CREBBP: variants seen among roughly 807,000 people sequenced by gnomAD.
The protein encoded by CREBBP is CREB binding lysine acetyltransferase.
A neutral mutation model predicts 265.0 loss-of-function variants in CREBBP; 19 were observed. That is an observed-to-expected ratio of 0.07 (90% confidence interval 0.05 to 0.11). CREBBP has a LOEUF of 0.11. Ranked by LOEUF, CREBBP falls within the 10% of genes least tolerant of loss-of-function variation. The pLI is 1.00. For missense variants in CREBBP, 2,525 were observed against 3,219.0 expected (o/e 0.78, Z 5.22); for synonymous variants, 1,457 against 1,223.7 (o/e 1.19, Z -3.98).
Position 3,736,668 on chromosome 16 carries a change from C to A in CREBBP, c.4542G>T (p.Arg1514=), listed in dbSNP as rs940901910. ...KKMLDKAFAE[R]IIHDYKDIFK... is the part of the protein sequence containing the mutation. Reference sequence around the variant, plus strand: ...CGGGTACCTTGTAGTCATGGATGATCCGCTCTGCAAACGCCTTGTCCAGCA... The same window carrying A: ...CGGGTACCTTGTAGTCATGGATGATACGCTCTGCAAACGCCTTGTCCAGCA... Residue 1514 remains arginine, a synonymous_variant, in exon 27 of 31, where the codon CGG becomes CGT. Transcript: ENST00000262367. 6.2e-7 allele frequency: 1 copy of A among 1,614,226 alleles called. No homozygotes were observed. Among genetic ancestry groups the A allele is most frequent in the South Asian group, 1.1e-5 (1 of 91,086 alleles).
intron 3 of CREBBP, among the ~76,000 whole-genome samples, chr16:3,806,725 G>A (rs891891324): frequency 2.6e-5 from 4 of 152,038 alleles, no homozygotes; most frequent in African/African-American, 9.7e-5. Flanking sequence ...TCAACTTCCT[G>A]CATCACACCC....
At chr16:3,756,322 C>T (rs764985287) in intron 19 of CREBBP, among the ~76,000 whole-genome samples, 15 of 152,262 alleles carry the variant, frequency 9.9e-5, no homozygotes, top group Admixed American at 3.9e-4. Flanking sequence ...TGTGCCTCCA[C>T]GCATGGTGCG....
rs533313740 is a variant in CREBBP, at chr16:3,849,708, G to A, written c.798+589C>T. Among the ~76,000 whole-genome samples, 7 of 151,584 alleles carry A rather than the reference G, an allele frequency of 4.6e-5. No individual in the cohort carries two copies. The South Asian group carries it at 1.0e-3, about 23-fold the overall frequency. ...CTTCTTAAAGCCCAGGCCCCACGCC[G>A]AGCTTCTGAGTCAATAAAGAAGTCT... is the stretch of plus-strand genomic sequence containing the variant. On this transcript the variant is annotated intron_variant, in intron 2 of 30. Transcript: ENST00000262367.
intron 14 of CREBBP, 51 bp downstream of exon 14, chr16:3,770,519 A>T (rs192770395): frequency 1.9e-6 from 3 of 1,596,282 alleles, no homozygotes; most frequent in East Asian, 4.5e-5. Flanking sequence ...TTATGGGAAA[A>T]TTATCTTCTA....
rs555248617 is a variant in CREBBP, at chr16:3,771,320, C to T, written c.2464-334G>A. Among the ~76,000 whole-genome samples, 17 of 152,212 alleles carry T rather than the reference C, an allele frequency of 1.1e-4. No homozygotes were observed. In the South Asian group the frequency reaches 1.2e-3, roughly 11 times the overall value. ...CTGACCTCAAGTGATCCTCCCGCCT[C>T]GGCCTTCCAAAGTGCTGGGATTACA... On this transcript the variant is annotated intron_variant, in intron 13 of 30. Transcript: ENST00000262367.
intron 4 of CREBBP, among the ~76,000 whole-genome samples, chr16:3,792,781 T>C (rs942041372): frequency 2.6e-5 from 4 of 152,238 alleles, no homozygotes; most frequent in African/African-American, 7.2e-5. Context: ...TAAGAAACAC[T>C]TCCTTCGGTA....
At position 3,735,544 on chromosome 16, in the gene CREBBP, C is replaced by T. The variant is rs924837934; in HGVS notation, c.4728+492G>A. The stretch of plus-strand genomic sequence containing the variant: ...CTTTCCTGACCTTGTGATCCGCCTG[C>T]CTCGGCCTCCCAAAGTGCGGGGTTA... On this transcript the variant is annotated intron_variant, in intron 28 of 30. Transcript: ENST00000262367. Among the ~76,000 whole-genome samples, 7 of 152,110 alleles carry T rather than the reference C, an allele frequency of 4.6e-5. No individual in the cohort carries two copies. The South Asian group carries it at 1.5e-3, about 32-fold the overall frequency.
At chr16:3,771,434 A>G (rs1399092198) in intron 13 of CREBBP, among the ~76,000 whole-genome samples, 1 of 152,136 alleles carries the variant, frequency 6.6e-6, no homozygotes, top group Non-Finnish European at 1.5e-5. Context: ...ATCGAGCTAT[A>G]CACTTGTAAT....
Position 3,745,298 on chromosome 16 carries a change from T to A in CREBBP, c.3893A>T (p.Tyr1298Phe), listed in dbSNP as rs773159964. 7 of 1,614,024 alleles carry A rather than the reference T, an allele frequency of 4.3e-6. No individual in the cohort carries two copies. In the South Asian group the frequency reaches 7.7e-5, roughly 18 times the overall value. ...RKMHQICVLH[Y>F]DIIWPSGFVC... is the part of the protein sequence containing the mutation. ...TCACCCTGAAGGCCAAATGATGTCA[T>A]AGTGCAGAACGCAAATCTGATGCAT... The change falls in exon 22 of 31, where the codon TAT (tyrosine) becomes TTT (phenylalanine). Residue 1298 changes from tyrosine to phenylalanine, a missense_variant. Around this residue, in one of 19 missense-constraint regions of CREBBP, gnomAD observed 252 missense variants for 452.5 expected, o/e 0.56. Transcript: ENST00000262367.
intron 2 of CREBBP, among the ~76,000 whole-genome samples, chr16:3,825,691 G>C (rs912307518): frequency 6.6e-6 from 1 of 152,160 alleles, no homozygotes; most frequent in Non-Finnish European, 1.5e-5. Context: ...TAATTTGTGA[G>C]TAACTTTGCC....
chr16:3,741,724 G>A (rs2052213803), intron 23 of CREBBP: 2 of 152,214 alleles, frequency 1.3e-5, no homozygotes, highest in East Asian at 1.9e-4. Context: ...TGGATCACCT[G>A]AGGTCAGGAG....
chr16:3,783,406 G>GAT (rs2053318366), intron 5 of CREBBP, among the ~76,000 whole-genome samples: 1 of 152,238 alleles, frequency 6.6e-6, no homozygotes, highest in Admixed American at 6.5e-5. Flanking sequence ...GAGCAGAGAT[G>GAT]ATACCTGGTC....
chr16:3,858,372 T>G (rs1204717866), intron 1 of CREBBP, among the ~76,000 whole-genome samples: 1 of 152,238 alleles, frequency 6.6e-6, no homozygotes, highest in Non-Finnish European at 1.5e-5. Flanking sequence ...GAATTCCACT[T>G]GGAGCCCCAG....
intron 1 of CREBBP, among the ~76,000 whole-genome samples, chr16:3,874,928 A>G (rs759937552): frequency 1.3e-5 from 2 of 152,256 alleles, no homozygotes; most frequent in African/African-American, 2.4e-5. Context: ...GAAACTCACA[A>G]TAAGGTACAT....
At position 3,804,248 on chromosome 16, in the gene CREBBP, T is replaced by C. The variant is rs11866671; in HGVS notation, c.975+6355A>G. 2.4e-3 allele frequency among the ~76,000 whole-genome samples: 371 copies of C among 152,264 alleles called. 2 individuals are homozygous for C. Among genetic ancestry groups the C allele is most frequent in the African/African-American group, 8.2e-3 (339 of 41,554 alleles). On this transcript the variant is annotated intron_variant, in intron 3 of 30. Transcript: ENST00000262367. ...AGAGAATTACCAATTTACTAAAAAC[T>C]TAAAGTTTTTAGAATACTCTTCTTG...
At chr16:3,735,566 G>T (rs898277968) in intron 28 of CREBBP, among the ~76,000 whole-genome samples, 1 of 152,084 alleles carries the variant, frequency 6.6e-6, no homozygotes, top group Non-Finnish European at 1.5e-5. Flanking sequence ...AAAGTGCGGG[G>T]TTACAGGTGT....
At chr16:3,760,332 TC>T (rs1192925668) in intron 16 of CREBBP, among the ~76,000 whole-genome samples, 1 of 143,936 alleles carries the variant, frequency 6.9e-6, no homozygotes, top group African/African-American at 2.6e-5. Flanking sequence ...GCTCAAGCGC[TC>T]CCCCTGCCTC....
intron 19 of CREBBP, among the ~76,000 whole-genome samples, chr16:3,754,274 G>C (rs762382759): frequency 1.3e-5 from 2 of 152,214 alleles, no homozygotes; most frequent in Non-Finnish European, 2.9e-5. Context: ...ACAGAAAAGG[G>C]AACAGTCACC....
intron 2 of CREBBP, among the ~76,000 whole-genome samples, chr16:3,842,614 G>A (rs1342458343): frequency 1.3e-5 from 2 of 152,080 alleles, no homozygotes; most frequent in African/African-American, 4.8e-5. Context: ...ATATTGCCAT[G>A]TTGTCAACAA....
Sources: gnomAD v4.1 joint callset for allele counts (sites outside exome capture counted in the v4.1 genomes callset) on GRCh38, gnomAD v4.1.1 for gene constraint, gnomAD v4.1.1 regional missense constraint, MANE v1.5 for transcripts, NCBI Gene and HGNC (gene_info 2026-07-23, HGNC 2026-07-21) for gene names.